PTPRB: variants seen among roughly 807,000 people sequenced by gnomAD.
The protein encoded by PTPRB is protein tyrosine phosphatase receptor type B, also known as receptor-type tyrosine-protein phosphatase beta.
PTPRB carries 97 observed loss-of-function variants against 238.1 expected under a neutral mutation model. The observed-to-expected ratio is 0.41, with a 90% CI of 0.35 to 0.48. The LOEUF is 0.48. Among genes scored for constraint, PTPRB ranks in the 20% least tolerant of loss-of-function variants. The pLI, the probability that PTPRB is intolerant of heterozygous loss-of-function variation, is 0.30. For missense variants in PTPRB, 2,292 were observed against 2,681.9 expected, an observed-to-expected ratio of 0.85 and a Z score of 3.21; for synonymous variants, 970 against 995.4, an observed-to-expected ratio of 0.97 and a Z score of 0.48.
At chr12:70,605,067 A>G (rs1041485896) in intron 4 of PTPRB, among the ~76,000 whole-genome samples, 1 of 152,226 alleles carries the variant, frequency 6.6e-6, no homozygotes, top group Non-Finnish European at 1.5e-5. Flanking sequence ...TTTATTAAAG[A>G]CAAGTTAGCC....
intron 2 of PTPRB, 50 bp downstream of exon 2, chr12:70,635,621 G>A (rs1455768112): frequency 6.4e-7 from 1 of 1,556,452 alleles, no homozygotes; most frequent in Non-Finnish European, 8.7e-7. Context: ...AAACCCCCAA[G>A]ATATTTAGTA....
intron 3 of PTPRB, among the ~76,000 whole-genome samples, chr12:70,612,322 G>C (rs1884492345): frequency 6.6e-6 from 1 of 152,128 alleles, no homozygotes; most frequent in Non-Finnish European, 1.5e-5. Flanking sequence ...AGAAATCCAA[G>C]AAAACTGTAA....
In PTPRB at chr12:70,520,393, A is replaced by C. The variant is rs907388102; in HGVS notation, c.*1096T>G. ...TGATTTACTAAAAGAAGTTTTGAAA[A>C]TTTTACTGAAGACCACTGTTTTTGT... is the stretch of plus-strand genomic sequence containing the variant. On this transcript the variant is annotated 3_prime_UTR_variant, in exon 34 of 34. Coordinates refer to ENST00000334414, the MANE Select transcript of PTPRB (RefSeq NM_001109754.4). The C allele has an allele frequency of 1.3e-5, 3 of 231,598 alleles. No individual in the cohort carries two copies. The highest frequency in any genetic ancestry group is 7.0e-5 in the African/African-American group (3 of 42,714). 14.3% of individuals were successfully genotyped at this position (231,598 alleles called of 1,614,324 possible).
chr12:70,634,627 G>C (rs905598563), intron 2 of PTPRB, among the ~76,000 whole-genome samples: 5 of 152,128 alleles, frequency 3.3e-5, no homozygotes, highest in Non-Finnish European at 7.3e-5. Flanking sequence ...TTCTACCCCA[G>C]GTGATTCTTA....
At chr12:70,555,468 T>C (rs2116209) in intron 19 of PTPRB, among the ~76,000 whole-genome samples, 159 bp from the exon 20 acceptor site, 57,555 of 151,982 alleles carry the variant, frequency 0.38, 11,856 homozygotes, top group East Asian at 0.54. Flanking sequence ...AACTCTCCCC[T>C]TCTCCTGAAG....
At chr12:70,531,712 CTTGGGGT>C (rs1276090217) in intron 32 of PTPRB, among the ~76,000 whole-genome samples, 7 of 151,936 alleles carry the variant, frequency 4.6e-5, no homozygotes, top group African/African-American at 1.7e-4. Context: ...CATACACTCC[CTTGGGGT>C]CTCCTGAAAT....
Position 70,599,071 on chromosome 12 carries a change from G to A in PTPRB, c.980-2744C>T, listed in dbSNP as rs187310969. The stretch of plus-strand genomic sequence containing the variant: ...GCTGGCAGTTGTCCACTATTGCTAT[G>A]CATGCTGCAGAAACTAAATAGTTTT... On this transcript the variant is annotated intron_variant, in intron 4 of 33. Transcript: ENST00000334414. Among the ~76,000 whole-genome samples, 778 of 152,284 alleles carry A rather than the reference G, an allele frequency of 5.1e-3. 10 individuals carry two copies. The highest frequency in any genetic ancestry group is 0.018 in the African/African-American group (742 of 41,556).
chr12:70,615,417 G>A (rs1884635262), intron 3 of PTPRB, among the ~76,000 whole-genome samples: 1 of 152,102 alleles, frequency 6.6e-6, no homozygotes, highest in Admixed American at 6.6e-5. Context: ...AGGCTCCACT[G>A]TCTCTCTAGA....
chr12:70,591,399 T>C (rs552519057), intron 7 of PTPRB, among the ~76,000 whole-genome samples: 17 of 152,296 alleles, frequency 1.1e-4, no homozygotes, highest in African/African-American at 4.1e-4. Flanking sequence ...TGGATGACTA[T>C]GGACAAATTA....
intron 21 of PTPRB, among the ~76,000 whole-genome samples, chr12:70,548,359 C>T: frequency 7.8e-6 from 1 of 128,220 alleles, no homozygotes; most frequent in South Asian, 2.8e-4. Flanking sequence ...CACACACACA[C>T]ACACACACAC....
chr12:70,607,588 C>T (rs1365036085), intron 4 of PTPRB, among the ~76,000 whole-genome samples: 1 of 150,096 alleles, frequency 6.7e-6, no homozygotes, highest in Non-Finnish European at 1.5e-5. Flanking sequence ...CCTCTGTTGC[C>T]CAGGCTGGAG....
Position 70,609,034 on chromosome 12 carries a change from G to T in PTPRB, c.979+35C>A, listed in dbSNP as rs200465433. The stretch of plus-strand genomic sequence containing the variant: ...GAAAAGGCAGGGCCCAACCCCGTGT[G>T]GCTTGGCCATCCAATTGCACCTGTC... On this transcript the variant is annotated intron_variant, in intron 4 of 33. Transcript: ENST00000334414. 260 of 1,608,890 alleles carry T rather than the reference G, an allele frequency of 1.6e-4. 1 individual carries two copies. In the African/African-American group the frequency reaches 3.0e-3, roughly 18 times the overall value.
chr12:70,571,466 T>C, intron 12 of PTPRB, 177 bp from the exon 13 acceptor site: 1 of 662,624 alleles, frequency 1.5e-6, no homozygotes, highest in South Asian at 2.1e-5. Context: ...AACATTGTGG[T>C]TTTTTCCTGA....
At chr12:70,550,251 C>A (rs2567138) in intron 21 of PTPRB, among the ~76,000 whole-genome samples, 147,211 of 152,302 alleles carry the variant, frequency 0.97, 71,188 homozygotes, top group East Asian at 1. Context: ...AAGAGCGGAA[C>A]GCATCTGAGA....
intron 2 of PTPRB, among the ~76,000 whole-genome samples, chr12:70,632,559 C>T (rs1472269578): frequency 6.6e-6 from 1 of 151,642 alleles, no homozygotes; most frequent in Admixed American, 6.6e-5. Flanking sequence ...CACATGCACC[C>T]TAGAACTTAA....
At chr12:70,576,726 T>G (rs1233924051) in intron 10 of PTPRB, 81 bp from the exon 11 acceptor site, 1 of 741,434 alleles carries the variant, frequency 1.3e-6, no homozygotes, top group Non-Finnish European at 2.2e-6. Context: ...GTTTGAGTCG[T>G]CTATTGCAGT....
At chr12:70,555,057 T>C in intron 20 of PTPRB, 103 bp downstream of exon 20, 1 of 1,371,212 alleles carries the variant, frequency 7.3e-7, no homozygotes, top group Non-Finnish European at 9.9e-7. Context: ...AAAATTACAT[T>C]TTCTACTTAA....
chr12:70,526,952 G>A (rs966185970), intron 32 of PTPRB, among the ~76,000 whole-genome samples: 3 of 152,094 alleles, frequency 2.0e-5, no homozygotes, highest in African/African-American at 7.2e-5. Context: ...CCAATAGAAC[G>A]TCCCTTTGAA....
intron 2 of PTPRB, among the ~76,000 whole-genome samples, chr12:70,630,726 C>G (rs1237300092): frequency 6.6e-6 from 1 of 152,232 alleles, no homozygotes; most frequent in Non-Finnish European, 1.5e-5. Flanking sequence ...TAAGCAATTT[C>G]AGCAAAGTCT....
Sources: gnomAD v4.1 joint callset for allele counts (sites outside exome capture counted in the v4.1 genomes callset) on GRCh38, gnomAD v4.1.1 for gene constraint, MANE v1.5 for transcripts, NCBI Gene and HGNC (gene_info 2026-07-23, HGNC 2026-07-21) for gene names.